The following TMTC2 variants were observed in gnomAD, a reference collection of about 807,000 sequenced individuals.
TMTC2 encodes transmembrane O-mannosyltransferase targeting cadherins 2.
TMTC2 carries 43 observed loss-of-function variants against 82.4 expected under a neutral mutation model. That is an observed-to-expected ratio of 0.52 (90% confidence interval 0.41 to 0.67). The LOEUF (loss-of-function observed/expected upper bound fraction) is 0.67, where lower values mean the gene tolerates loss of function less well. Among genes scored for constraint, TMTC2 ranks in the 30% least tolerant of loss-of-function variants. The probability of loss-of-function intolerance (pLI) is 0.00; values close to 1 mark genes in which losing one functional copy is unlikely to be tolerated. For synonymous variants in TMTC2, 408 were observed against 381.9 expected (o/e 1.07, Z -0.80); for missense variants, 919 against 1,012.4 (o/e 0.91, Z 1.25).
intron 8 of TMTC2, among the ~76,000 whole-genome samples, chr12:83,004,701 C>T (rs1880075151): frequency 8.3e-6 from 1 of 120,708 alleles, no homozygotes; most frequent in Non-Finnish European, 1.7e-5. Flanking sequence ...TTTTGTTTCA[C>T]AGGCAGTGTA....
intron 4 of TMTC2, among the ~76,000 whole-genome samples, chr12:82,941,923 T>G (rs527466718): frequency 6.6e-6 from 1 of 152,212 alleles, no homozygotes; most frequent in South Asian, 2.1e-4. Context: ...GTTTTGTATT[T>G]TTAGTAAAGA....
intron 4 of TMTC2, among the ~76,000 whole-genome samples, chr12:82,942,836 T>G (rs1035131616): frequency 6.6e-6 from 1 of 152,166 alleles, no homozygotes; most frequent in Non-Finnish European, 1.5e-5. Context: ...AGCTTAATTT[T>G]TTTATTTAGA....
At chr12:82,921,526 C>G (rs1875395091) in intron 3 of TMTC2, among the ~76,000 whole-genome samples, 1 of 152,112 alleles carries the variant, frequency 6.6e-6, no homozygotes, top group African/African-American at 2.4e-5. Context: ...TTCTTTCGCT[C>G]TCTTTAGGCT....
rs1019522058 is a variant in TMTC2, at chr12:82,875,863, A to G, written c.654+18283A>G. 2.6e-5 allele frequency among the ~76,000 whole-genome samples: 4 copies of G among 151,122 alleles called. No homozygotes were observed. In the East Asian group the frequency reaches 5.8e-4, roughly 22 times the overall value. ...ATTTATTCATTGCTCTTAGTATAAA[A>G]GTTAAGCACTTCTATCATGAAGGAG... On this transcript the variant is annotated intron_variant, in intron 2 of 11. Coordinates refer to ENST00000321196, the MANE Select transcript of TMTC2 (RefSeq NM_152588.3).
chr12:82,705,295 G>A (rs1002273398), intron 1 of TMTC2, among the ~76,000 whole-genome samples: 2 of 152,074 alleles, frequency 1.3e-5, no homozygotes, highest in Non-Finnish European at 2.9e-5. Context: ...GAACTTACTC[G>A]TAACCAAAGA....
intron 3 of TMTC2, among the ~76,000 whole-genome samples, chr12:82,903,634 C>T (rs1353853531): frequency 1.3e-5 from 2 of 152,102 alleles, no homozygotes; most frequent in African/African-American, 2.4e-5. Flanking sequence ...AGGATGGTCT[C>T]GATCTCCTGA....
At chr12:83,048,300 C>A (rs1308113461) in intron 9 of TMTC2, among the ~76,000 whole-genome samples, 1 of 151,996 alleles carries the variant, frequency 6.6e-6, no homozygotes, top group Admixed American at 6.6e-5. Context: ...TAAAAAAGCA[C>A]CATATATTTA....
chr12:83,026,705 A>AGT (rs67900968), intron 8 of TMTC2, among the ~76,000 whole-genome samples: 34,414 of 142,660 alleles, frequency 0.24, 3,979 homozygotes, highest in Admixed American at 0.25. Context: ...TGATTGAAGG[A>AGT]GTGTGTGTGT....
chr12:83,058,968 T>G (rs1882642092), intron 10 of TMTC2, among the ~76,000 whole-genome samples: 1 of 151,836 alleles, frequency 6.6e-6, no homozygotes, highest in Non-Finnish European at 1.5e-5. Context: ...TAATAATTGC[T>G]TCATGGTGGT....
At chr12:82,885,316 GT>G (rs566703402) in intron 2 of TMTC2, among the ~76,000 whole-genome samples, 29 of 151,592 alleles carry the variant, frequency 1.9e-4, no homozygotes, top group Admixed American at 6.6e-4. Context: ...CTGGGAATAA[GT>G]TTTTTTTAAT....
chr12:83,123,645 G>A (rs2137564614), intron 11 of TMTC2, among the ~76,000 whole-genome samples: 1 of 152,198 alleles, frequency 6.6e-6, no homozygotes, highest in East Asian at 1.9e-4. Context: ...TTAACATCAT[G>A]ATTATCACTG....
chr12:82,808,408 G>C (rs370478291), intron 1 of TMTC2, among the ~76,000 whole-genome samples: 13 of 151,922 alleles, frequency 8.6e-5, no homozygotes, highest in Non-Finnish European at 1.8e-4. Flanking sequence ...AACTTTTATT[G>C]ATATAGTGCT....
At chr12:82,907,141 G>A (rs111545621) in intron 3 of TMTC2, among the ~76,000 whole-genome samples, 3,600 of 152,108 alleles carry the variant, frequency 0.024, 116 homozygotes, top group African/African-American at 0.081. Flanking sequence ...ATTTGGGATG[G>A]GGGAGTTGCA....
intron 3 of TMTC2, among the ~76,000 whole-genome samples, chr12:82,916,415 G>T (rs925059451): frequency 6.6e-6 from 1 of 151,810 alleles, no homozygotes; most frequent in African/African-American, 2.4e-5. Context: ...TAGGGACATA[G>T]GGCAAAATTG....
At chr12:82,708,214 A>G (rs1873461234) in intron 1 of TMTC2, among the ~76,000 whole-genome samples, 1 of 152,208 alleles carries the variant, frequency 6.6e-6, no homozygotes, top group South Asian at 2.1e-4. Flanking sequence ...CCCCTGATCT[A>G]AATGGAAACA....
At position 83,061,780 on chromosome 12, in the gene TMTC2, C is replaced by T. The variant is rs1215804114; in HGVS notation, c.2280C>T (p.Leu760=). 3 of 1,595,918 alleles carry T rather than the reference C, an allele frequency of 1.9e-6. No homozygotes were observed. The highest frequency in any genetic ancestry group is 2.6e-6 in the Non-Finnish European group (3 of 1,172,046). ...NAAHMLRQAS[L]NEAAEKYYDL... ...TTTTCTTTTACAGACAGGCTAGCCT[C>T]AATGAAGCAGCTGAGAAGTATTATG... The change falls in exon 11 of 12, where the codon CTC becomes CTT. Residue 760 remains leucine (L), a synonymous_variant. Transcript: ENST00000321196.
chr12:82,811,761 CA>C (rs1350223064), intron 1 of TMTC2, among the ~76,000 whole-genome samples: 24 of 144,614 alleles, frequency 1.7e-4, no homozygotes, highest in Non-Finnish European at 3.0e-4. Context: ...TTACTTAGTA[CA>C]TTTTTTTAAG....
At chr12:82,864,822 A>G (rs539658053) in intron 2 of TMTC2, among the ~76,000 whole-genome samples, 33 of 151,978 alleles carry the variant, frequency 2.2e-4, no homozygotes, top group Non-Finnish European at 4.3e-4. Context: ...TCATTAAATA[A>G]AAAACGTTTA....
intron 1 of TMTC2, among the ~76,000 whole-genome samples, chr12:82,843,571 T>C (rs1262006707): frequency 1.3e-5 from 2 of 152,318 alleles, no homozygotes; most frequent in East Asian, 3.9e-4. Flanking sequence ...ATTTTAAGTA[T>C]GAAAGGGTAA....
Sources: allele counts gnomAD v4.1 joint callset (sites outside exome capture counted in the v4.1 genomes callset), GRCh38; gene constraint gnomAD v4.1.1; transcripts MANE v1.5; gene names NCBI Gene and HGNC (gene_info 2026-07-23, HGNC 2026-07-21).